The following ABCA9 variants were observed in gnomAD, a reference collection of about 807,000 sequenced individuals.
The protein encoded by ABCA9 is ATP binding cassette subfamily A member 9, also known as ATP-binding cassette sub-family A member 9.
In ABCA9, 183 loss-of-function variants were observed where a neutral mutation model predicts 205.3. The ratio of observed to expected loss-of-function variants is 0.89; its 90% CI spans 0.79 to 1.01. ABCA9 has a LOEUF of 1.01. Among genes scored for constraint, ABCA9 ranks in the 50% least tolerant of loss-of-function variants. The pLI, the probability that ABCA9 is intolerant of heterozygous loss-of-function variation, is 0.00. For synonymous variants in ABCA9, 651 were observed against 683.3 expected, an observed-to-expected ratio of 0.95 and a Z score of 0.74; for missense variants, 1,805 against 1,912.4, an observed-to-expected ratio of 0.94 and a Z score of 1.05.
At chr17:68,995,093 C>T (rs909587358) in intron 26 of ABCA9, among the ~76,000 whole-genome samples, 2 of 152,186 alleles carry the variant, frequency 1.3e-5, no homozygotes, top group Non-Finnish European at 2.9e-5. Flanking sequence ...TCACCAATGA[C>T]GTTCGTGTAG....
chr17:69,027,205 C>G (rs1462092097), intron 14 of ABCA9, 91 bp from the exon 15 acceptor site: 62 of 1,565,016 alleles, frequency 4.0e-5, no homozygotes, highest in Non-Finnish European at 5.4e-5. Context: ...TTGGGAGAAA[C>G]TTGTTAGTAC....
chr17:69,070,745 G>T, the ABCA9 span, among the ~76,000 whole-genome samples: 1 of 152,188 alleles, frequency 6.6e-6, no homozygotes, highest in Admixed American at 6.5e-5. Flanking sequence ...AGACAGAACC[G>T]TTCACTCCCT....
chr17:68,988,879 G>A (rs2069338703), intron 31 of ABCA9, 148 bp downstream of exon 31: 2 of 527,970 alleles, frequency 3.8e-6, no homozygotes, highest in East Asian at 2.9e-5. Context: ...ACTGTTTTTG[G>A]AATTAAGTAT....
intron 6 of ABCA9, 189 bp downstream of exon 6, chr17:69,043,300 T>C (rs1303327638): frequency 1.9e-6 from 1 of 531,808 alleles, no homozygotes; most frequent in Non-Finnish European, 3.3e-6. Context: ...AGGGAGTGGC[T>C]GTAAATATAC....
intron 1 of ABCA9, among the ~76,000 whole-genome samples, chr17:69,052,062 A>G (rs2071919612): frequency 6.6e-6 from 1 of 152,184 alleles, no homozygotes. Flanking sequence ...CCGGGACATC[A>G]TGTCCAGCTA....
At chr17:69,039,212 A>T (rs963689351) in intron 6 of ABCA9, among the ~76,000 whole-genome samples, 8 of 152,212 alleles carry the variant, frequency 5.3e-5, no homozygotes, top group Admixed American at 2.0e-4. Context: ...AGAAAAAACT[A>T]CTTTAAATTT....
intron 17 of ABCA9, 32 bp from the exon 18 acceptor site, chr17:69,021,893 A>G: frequency 7.5e-7 from 1 of 1,336,040 alleles, no homozygotes; most frequent in Non-Finnish European, 1.0e-6. Context: ...GATTATAAGA[A>G]TATAATTTAT....
chr17:69,026,791 A>G (rs920001804), intron 15 of ABCA9, among the ~76,000 whole-genome samples, 185 bp downstream of exon 15: 2 of 152,206 alleles, frequency 1.3e-5, no homozygotes, highest in African/African-American at 4.8e-5. Flanking sequence ...CTGCTCTGCA[A>G]TGGGCTCAGA....
In ABCA9 at chr17:69,043,680, C is replaced by T. The variant is rs2071621812; in HGVS notation, c.609G>A (p.Met203Ile). 1.2e-6 allele frequency: 2 copies of T among 1,609,718 alleles called. No individual in the cohort carries two copies. The change falls in exon 6 of 39, where the codon ATG (methionine) becomes ATA (isoleucine). Residue 203 changes from methionine to isoleucine, a missense_variant. Physicochemically the swap from Met to Ile is conservative, Grantham distance 10 (BLOSUM62 1). Coordinates refer to ENST00000340001, the MANE Select transcript of ABCA9 (RefSeq NM_080283.4). ...TCTTCATATGTACACCAGTAACTGA[C>T]ATCAGCTGTTCCATCACTGAATGAT... ...ATNHSVMEQL[M>I]SVTGVHMKIL...
Position 69,043,637 on chromosome 17 carries a change from G to T in ABCA9, c.652C>A (p.Gln218Lys). The part of the protein sequence containing the change: ...VHMKILPFVA[Q>K]GGVATDFFIF... ...AAAAAATCAGTTGCAACTCCTCCTTGGGCAACAAAAGGTAATATCTTCATA... is the reference window on the plus strand; with the variant it reads ...AAAAAATCAGTTGCAACTCCTCCTTTGGCAACAAAAGGTAATATCTTCATA... Residue 218 changes from glutamine to lysine, a missense_variant, in exon 6 of 39, where the codon CAA becomes AAA. Coordinates refer to ENST00000340001, the MANE Select transcript of ABCA9 (RefSeq NM_080283.4). 6.2e-7 allele frequency: 1 copy of T among 1,613,486 alleles called. No homozygotes were observed. The highest frequency in any genetic ancestry group is 8.5e-7 in the Non-Finnish European group (1 of 1,179,836).
chr17:69,072,853 A>G, the ABCA9 span, among the ~76,000 whole-genome samples: 3 of 152,230 alleles, frequency 2.0e-5, no homozygotes, highest in African/African-American at 7.2e-5. Context: ...TTCAGGATGC[A>G]TCTCACATGC....
intron 18 of ABCA9, 30 bp downstream of exon 18, chr17:69,021,700 TCTTTCTTTCTCC>T (rs747681071): frequency 1.6e-6 from 2 of 1,243,958 alleles, no homozygotes. Flanking sequence ...TTCCTTCCTT[TCTTTCTTTCTCC>T]CTTTCTTTCT....
At chr17:69,064,969 C>G (rs2144573116), upstream of ABCA9, among the ~76,000 whole-genome samples, 1 of 152,176 alleles carries the variant, frequency 6.6e-6, no homozygotes, top group South Asian at 2.1e-4. Flanking sequence ...CTGAAAATGT[C>G]TTATATTTCT....
chr17:68,979,603 A>G (rs913801599), intron 37 of ABCA9, among the ~76,000 whole-genome samples: 2 of 151,218 alleles, frequency 1.3e-5, no homozygotes, highest in African/African-American at 4.9e-5. Flanking sequence ...TCAATGGAAC[A>G]GAACAGAGCC....
In ABCA9 at chr17:69,005,760, T is replaced by C. The variant is rs367737197; in HGVS notation, c.3435+1999A>G. 3.3e-5 allele frequency among the ~76,000 whole-genome samples: 5 copies of C among 152,384 alleles called. No homozygotes were observed. In the East Asian group the frequency reaches 5.8e-4, roughly 18 times the overall value. On this transcript the variant is annotated intron_variant, in intron 25 of 38. Transcript: ENST00000340001. ...TTCTACATGCTGGCTTATTTTTTTT[T>C]CCAACTAATCTTCTAGTTCTGAAAC...
intron 11 of ABCA9, 81 bp from the exon 12 acceptor site, chr17:69,028,726 G>T: frequency 2.7e-6 from 2 of 737,846 alleles, no homozygotes; most frequent in Non-Finnish European, 4.2e-6. Flanking sequence ...ATTTTTTGCA[G>T]CATGAATAGA....
intron 37 of ABCA9, among the ~76,000 whole-genome samples, chr17:68,980,649 C>T (rs1225453504): frequency 2.6e-5 from 4 of 151,168 alleles, no homozygotes; most frequent in African/African-American, 7.3e-5. Flanking sequence ...ATGGATGAAG[C>T]TGGAAACCAT....
chr17:69,016,514 T>A, intron 21 of ABCA9, 124 bp from the exon 22 acceptor site: 2 of 791,548 alleles, frequency 2.5e-6, no homozygotes, highest in Non-Finnish European at 3.7e-6. Flanking sequence ...TGAATGTGAT[T>A]AATATCACTA....
At chr17:69,013,008 G>GTGATCTCCAGTT (rs1402643350) in intron 22 of ABCA9, among the ~76,000 whole-genome samples, 1 of 151,702 alleles carries the variant, frequency 6.6e-6, no homozygotes, top group Non-Finnish European at 1.5e-5. Context: ...ATTTAGCATA[G>GTGATCTCCAGTT]TGATCTCCAG....
Sources: gnomAD v4.1 joint callset for allele counts (sites outside exome capture counted in the v4.1 genomes callset) on GRCh38, gnomAD v4.1.1 for gene constraint, MANE v1.5 for transcripts, NCBI Gene and HGNC (gene_info 2026-07-23, HGNC 2026-07-21) for gene names.